The following GUCY2C variants were observed in gnomAD, a reference collection of about 807,000 sequenced individuals.
The protein encoded by GUCY2C is guanylate cyclase 2C.
A neutral mutation model predicts 131.1 loss-of-function variants in GUCY2C; 118 were observed. The ratio of observed to expected loss-of-function variants is 0.90; its 90% CI spans 0.78 to 1.05. The LOEUF is 1.05. GUCY2C is among the 50% of genes least tolerant of loss of function. The probability of loss-of-function intolerance (pLI) is 0.00; values close to 1 mark genes in which losing one functional copy is unlikely to be tolerated. For missense variants in GUCY2C, 1,161 were observed against 1,304.4 expected, an observed-to-expected ratio of 0.89 and a Z score of 1.69; for synonymous variants, 452 against 457.8, an observed-to-expected ratio of 0.99 and a Z score of 0.16.
chr12:14,644,968 C>T (rs1265053766), intron 16 of GUCY2C, among the ~76,000 whole-genome samples: 1 of 151,808 alleles, frequency 6.6e-6, no homozygotes, highest in East Asian at 1.9e-4. Flanking sequence ...AAACTGCATG[C>T]CTCACACCCA....
intron 24 of GUCY2C, among the ~76,000 whole-genome samples, chr12:14,617,267 T>C (rs1228529912): frequency 6.6e-6 from 1 of 152,180 alleles, no homozygotes; most frequent in African/African-American, 2.4e-5. Context: ...TCTCAGGTTT[T>C]TCTTTATAGC....
intron 4 of GUCY2C, among the ~76,000 whole-genome samples, chr12:14,682,828 A>T (rs1315377666): frequency 2.0e-5 from 3 of 152,212 alleles, no homozygotes; most frequent in South Asian, 2.1e-4. Flanking sequence ...AAAACAGTAA[A>T]GAGTGTTGCA....
rs749227584 is a variant in GUCY2C at position 14,628,744 on chromosome 12, G to A, written c.2158-7C>T. On this transcript the variant is annotated splice_polypyrimidine_tract_variant and splice_region_variant and intron_variant, in intron 19 of 26. Coordinates refer to ENST00000261170, the MANE Select transcript of GUCY2C (RefSeq NM_004963.4). The stretch of plus-strand genomic sequence containing the variant: ...TTTTTACAAGTAGGTACACCTGGAA[G>A]AAAAAAAAACGGGCAAATTAGCTAA... 1.2e-5 allele frequency: 16 copies of A among 1,339,744 alleles called. No individual in the cohort carries two copies. The highest frequency in any genetic ancestry group is 9.0e-5 in the Admixed American group (5 of 55,484). The allele number at this position is 1,339,744 out of a possible 1,614,324, so 83.0% of individuals were successfully genotyped here.
chr12:14,619,051 C>A, intron 24 of GUCY2C, 160 bp downstream of exon 24: 2 of 543,004 alleles, frequency 3.7e-6, no homozygotes, highest in South Asian at 3.0e-5. Flanking sequence ...GCAAATGTAG[C>A]AAAAGGTGGA....
In GUCY2C at chr12:14,641,192, C is replaced by A. The variant is rs199662310; in HGVS notation, c.1958G>T (p.Arg653Leu). The A allele has an allele frequency of 1.2e-6, 2 of 1,613,468 alleles. No individual in the cohort carries two copies. Among genetic ancestry groups the A allele is most frequent in the Non-Finnish European group, 1.7e-6 (2 of 1,179,890 alleles). Reference sequence around the variant, plus strand: ...TCCTTTCTGAGAGATGTTGGCTTGGCGGAGGTGCTCTGGAGCTGTCCACAG... The same window carrying A: ...TCCTTTCTGAGAGATGTTGGCTTGGAGGAGGTGCTCTGGAGCTGTCCACAG... ...KDLWTAPEHL[R>L]QANISQKGDV... is the part of the protein sequence containing the mutation. The change falls in exon 18 of 27, where the codon CGC (arginine) becomes CTC (leucine). Residue 653 changes from arginine to leucine, a missense_variant. Coordinates refer to ENST00000261170, the MANE Select transcript of GUCY2C (RefSeq NM_004963.4).
intron 19 of GUCY2C, 25 bp from the exon 20 acceptor site, chr12:14,628,762 T>G: frequency 9.2e-7 from 1 of 1,085,614 alleles, no homozygotes; most frequent in Non-Finnish European, 1.4e-6. Flanking sequence ...AACGGGCAAA[T>G]TAGCTAAGGG....
intron 15 of GUCY2C, among the ~76,000 whole-genome samples, chr12:14,650,448 G>A (rs12312996): frequency 0.89 from 135,869 of 152,136 alleles, 62,411 homozygotes; most frequent in East Asian, 1. Context: ...GGGTTTCACC[G>A]TGTTGGCCAA....
intron 19 of GUCY2C, among the ~76,000 whole-genome samples, chr12:14,636,213 T>C (rs529528352): frequency 6.6e-6 from 1 of 151,896 alleles, no homozygotes; most frequent in South Asian, 2.1e-4. Context: ...AGAAAAAAAA[T>C]ACTAGCAAAC....
intron 1 of GUCY2C, among the ~76,000 whole-genome samples, chr12:14,692,920 A>C (rs1256507089): frequency 2.6e-5 from 4 of 152,140 alleles, no homozygotes; most frequent in Admixed American, 2.0e-4. Context: ...GCATAGTATA[A>C]TATGCTGCCT....
At chr12:14,659,373 G>T (rs1028714100) in intron 11 of GUCY2C, among the ~76,000 whole-genome samples, 48 of 152,176 alleles carry the variant, frequency 3.2e-4, no homozygotes, top group African/African-American at 1.1e-3. Flanking sequence ...GTCACATACT[G>T]TCATCTTTGT....
chr12:14,649,371 G>C (rs956083871), intron 15 of GUCY2C, among the ~76,000 whole-genome samples: 6 of 152,144 alleles, frequency 3.9e-5, no homozygotes, highest in African/African-American at 1.4e-4. Context: ...TAACGTTGAA[G>C]TTTAGTAACA....
intron 10 of GUCY2C, among the ~76,000 whole-genome samples, chr12:14,664,832 C>T (rs1030729027): frequency 2.0e-5 from 3 of 151,922 alleles, no homozygotes; most frequent in African/African-American, 7.3e-5. Flanking sequence ...GAAATATATT[C>T]AGTTATCTCA....
At chr12:14,647,954 ATTT>A (rs1947558429) in intron 15 of GUCY2C, among the ~76,000 whole-genome samples, 1 of 150,280 alleles carries the variant, frequency 6.7e-6, no homozygotes, top group African/African-American at 2.5e-5. Context: ...TTACTTATTT[ATTT>A]ATTTATTTAT....
chr12:14,689,641 G>T (rs7967855), intron 1 of GUCY2C, among the ~76,000 whole-genome samples: 1 of 152,118 alleles, frequency 6.6e-6, no homozygotes, highest in Non-Finnish European at 1.5e-5. Flanking sequence ...AATGGAAGCC[G>T]TGATTATCTC....
chr12:14,617,233 C>A (rs1197980871), intron 24 of GUCY2C, among the ~76,000 whole-genome samples: 1 of 152,178 alleles, frequency 6.6e-6, no homozygotes, highest in Non-Finnish European at 1.5e-5. Context: ...GCCAATTAAA[C>A]CTCTTTTCTT....
At chr12:14,683,626 A>T (rs1455386073) in intron 3 of GUCY2C, among the ~76,000 whole-genome samples, 2 of 152,176 alleles carry the variant, frequency 1.3e-5, no homozygotes. Flanking sequence ...TGCCATCTAC[A>T]CTTTGCCATG....
chr12:14,633,799 A>T (rs1218679881), intron 19 of GUCY2C, among the ~76,000 whole-genome samples: 1 of 152,064 alleles, frequency 6.6e-6, no homozygotes, highest in Non-Finnish European at 1.5e-5. Flanking sequence ...ACAATATGCT[A>T]GATCAAGCAG....
At chr12:14,643,408 T>C (rs548756548) in intron 17 of GUCY2C, among the ~76,000 whole-genome samples, 166 bp downstream of exon 17, 47 of 152,344 alleles carry the variant, frequency 3.1e-4, no homozygotes, top group Admixed American at 3.0e-3. Context: ...ACTCAGGAAA[T>C]ACTCGTTGAC....
rs142199133 is a variant in GUCY2C at position 14,672,545 on chromosome 12, T to C, written c.1170+328A>G. 1.0e-3 allele frequency among the ~76,000 whole-genome samples: 152 copies of C among 152,314 alleles called. 1 individual carries two copies. The highest frequency in any genetic ancestry group is 3.4e-3 in the African/African-American group (140 of 41,560). On this transcript the variant is annotated intron_variant, in intron 9 of 26. Transcript: ENST00000261170. ...TTAGGAAAGACTTGTGATCCTCTCA[T>C]TGGTATCCCATCAATAGTCTTTTTG...
Sources: allele counts gnomAD v4.1 joint callset (sites outside exome capture counted in the v4.1 genomes callset), GRCh38; gene constraint gnomAD v4.1.1; transcripts MANE v1.5; gene names NCBI Gene and HGNC (gene_info 2026-07-23, HGNC 2026-07-21).